MEPE: variants seen among roughly 807,000 people sequenced by gnomAD.
MEPE encodes the protein matrix, extracellular phosphoglycoprotein with ASARM motif (bone).
Under a neutral mutation model 7.3 loss-of-function variants are expected in MEPE, and 7 were observed. The ratio of observed to expected loss-of-function variants is 0.95; its 90% CI spans 0.54 to 1.79. The LOEUF (loss-of-function observed/expected upper bound fraction) is 1.79, where lower values mean the gene tolerates loss of function less well. Among genes scored for constraint, MEPE ranks in the 40% most tolerant of loss-of-function variants. The pLI, the probability that MEPE is intolerant of heterozygous loss-of-function variation, is 0.00. For synonymous variants in MEPE, 214 were observed against 213.1 expected (o/e 1.00, Z -0.04); for missense variants, 623 against 628.2 (o/e 0.99, Z 0.09).
At position 87,843,534 on chromosome 4, in the gene MEPE, T is replaced by A. The variant is rs371043129; in HGVS notation, c.109-1443T>A. ...TCCTATGTTGATTTCATATTACTCATCAATTCAAAGGCCTATGTAGGGATG... is the reference window on the plus strand; with the variant it reads ...TCCTATGTTGATTTCATATTACTCAACAATTCAAAGGCCTATGTAGGGATG... On this transcript the variant is annotated intron_variant, in intron 3 of 3. Transcript: ENST00000361056. 3.9e-4 allele frequency among the ~76,000 whole-genome samples: 59 copies of A among 152,228 alleles called. 1 individual carries two copies. Among genetic ancestry groups the A allele is most frequent in the African/African-American group, 1.3e-3 (53 of 41,534 alleles).
chr4:87,845,248 A>C lies in MEPE; in HGVS notation c.380A>C (p.Glu127Ala). 1 of 1,614,062 alleles carries C rather than the reference A, an allele frequency of 6.2e-7. No homozygotes were observed. Among genetic ancestry groups the C allele is most frequent in the South Asian group, 1.1e-5 (1 of 91,078 alleles). The change falls in exon 4 of 4, where the codon GAG becomes GCG. Residue 127 changes from glutamate (E) to alanine (A), a missense_variant. Physicochemically the swap from Glu to Ala is moderately radical, Grantham distance 107. Transcript: ENST00000361056. ...AAGTCAACTGGGAATAAAGGGTTTG[A>C]GGATGGAGATGATGCTATCAGCAAA... ...YPKSTGNKGFEDGDDAISKLH... is the reference protein window; with the variant it reads ...YPKSTGNKGFADGDDAISKLH...
chr4:87,840,899 A>G (rs1722987849), intron 3 of MEPE, among the ~76,000 whole-genome samples: 1 of 152,220 alleles, frequency 6.6e-6, no homozygotes. Context: ...AGCAGAGCAC[A>G]GAAAAGCAGC....
chr4:87,835,736 C>A (rs528404640), intron 2 of MEPE, among the ~76,000 whole-genome samples: 2 of 152,264 alleles, frequency 1.3e-5, no homozygotes, highest in Admixed American at 1.3e-4. Flanking sequence ...AGACCCCATG[C>A]ACAGACCTCA....
In MEPE at chr4:87,837,404, G is replaced by A. The variant is rs114622458; in HGVS notation, c.55-1228G>A. 4.7e-3 allele frequency among the ~76,000 whole-genome samples: 718 copies of A among 152,290 alleles called. 2 individuals carry two copies. The highest frequency in any genetic ancestry group is 7.8e-3 in the Non-Finnish European group (528 of 68,018). On this transcript the variant is annotated intron_variant, in intron 2 of 3. Transcript: ENST00000361056. ...TTCACCCAAACCCAGTCTGAACACA[G>A]AGGGCAAATGAGCTTGGGAAATGAA...
Position 87,845,358 on chromosome 4 carries a change from C to G in MEPE, c.490C>G (p.Leu164Val), listed in dbSNP as rs752363823. The G allele has an allele frequency of 1.9e-6, 3 of 1,613,766 alleles. No homozygotes were observed. In the East Asian group the frequency reaches 6.7e-5, roughly 36 times the overall value. ...GGGGCCAGTGACTGCGATTAAACTC[C>G]TGGGGGAAGAAAACAAAGAGAACAC... ...IMGPVTAIKL[L>V]GEENKENTPR... is the part of the protein sequence containing the mutation. Residue 164 changes from leucine to valine, a missense_variant, in exon 4 of 4, where the codon CTG becomes GTG. Coordinates refer to ENST00000361056, the MANE Select transcript of MEPE (RefSeq NM_020203.6).
rs770161955 is a variant in MEPE at position 87,845,279 on chromosome 4, T to C, written c.411T>C (p.His137=). 10 of 1,613,868 alleles carry C rather than the reference T, an allele frequency of 6.2e-6. No homozygotes were observed. In the East Asian group the frequency reaches 6.7e-5, roughly 11 times the overall value. The change falls in exon 4 of 4, where the codon CAT becomes CAC. Residue 137 remains histidine (H), a synonymous_variant. Coordinates refer to ENST00000361056, the MANE Select transcript of MEPE (RefSeq NM_020203.6). ...EDGDDAISKL[H]DQEEYGAALI... Reference sequence around the variant, plus strand: ...GAGATGATGCTATCAGCAAACTACATGACCAAGAAGAATATGGCGCAGCTC... The same window carrying C: ...GAGATGATGCTATCAGCAAACTACACGACCAAGAAGAATATGGCGCAGCTC...
At chr4:87,829,612 A>G (rs1722549363), upstream of MEPE, among the ~76,000 whole-genome samples, 1 of 152,198 alleles carries the variant, frequency 6.6e-6, no homozygotes, top group Admixed American at 6.5e-5. Flanking sequence ...ATATAAAGTT[A>G]ATGTTATGAA....
chr4:87,832,714 T>C (rs559716000), upstream of MEPE, among the ~76,000 whole-genome samples: 1 of 152,354 alleles, frequency 6.6e-6, no homozygotes, highest in East Asian at 1.9e-4. Flanking sequence ...TTAGCAGTTC[T>C]GAAATCAATT....
rs749358196 is a variant in MEPE, at chr4:87,846,402, G to A, written c.1534G>A (p.Glu512Lys). Residue 512 changes from glutamate (E) to lysine (K), a missense_variant, in exon 4 of 4, where the codon GAG becomes AAG. Coordinates refer to ENST00000361056, the MANE Select transcript of MEPE (RefSeq NM_020203.6). ...TTCCCGTAGAAGGGATGACAGTAGT[G>A]AGTCATCTGACAGTGGCAGTTCAAG... ...FSSRRRDDSS[E>K]SSDSGSSSES... 21 of 1,613,946 alleles carry A rather than the reference G, an allele frequency of 1.3e-5. No homozygotes were observed. The East Asian group carries it at 3.6e-4, about 27-fold the overall frequency.
chr4:87,830,650 A>C (rs1722573969), upstream of MEPE, among the ~76,000 whole-genome samples: 1 of 152,118 alleles, frequency 6.6e-6, no homozygotes, highest in African/African-American at 2.4e-5. Flanking sequence ...TACCTGGGTG[A>C]TGTAGTAATA....
chr4:87,834,577 T>C, intron 1 of MEPE, 126 bp from the exon 2 acceptor site: 4 of 680,192 alleles, frequency 5.9e-6, no homozygotes, highest in South Asian at 2.0e-5. Context: ...TACACACACA[T>C]ACACAAAAGG....
chr4:87,821,987 A>T (rs989720086), intron 1 of MEPE, among the ~76,000 whole-genome samples: 11 of 152,128 alleles, frequency 7.2e-5, no homozygotes, highest in Non-Finnish European at 1.5e-4. Context: ...CACAGCCCTT[A>T]CCTGATGCCT....
intron 2 of MEPE, among the ~76,000 whole-genome samples, chr4:87,837,355 C>A (rs75955762): frequency 0.032 from 4,847 of 152,178 alleles, 113 homozygotes; most frequent in South Asian, 0.061. Flanking sequence ...TCCTTCCCCC[C>A]CTCCAGACTC....
intron 1 of MEPE, among the ~76,000 whole-genome samples, chr4:87,822,197 TG>T (rs1722354721): frequency 6.6e-6 from 1 of 152,198 alleles, no homozygotes; most frequent in Non-Finnish European, 1.5e-5. Context: ...CAACACTCAG[TG>T]CTTAGTCTCA....
In MEPE at chr4:87,845,550, A is replaced by G. The variant is rs762438706; in HGVS notation, c.682A>G (p.Lys228Glu). The stretch of plus-strand genomic sequence containing the variant: ...CATTGACTACCTAAAACATCTCTCA[A>G]AAGTCAAAAAAATCCCCAGTGATTT... ...HNIDYLKHLS[K>E]VKKIPSDFEG... The change falls in exon 4 of 4, where the codon AAA (lysine) becomes GAA (glutamate). Residue 228 changes from lysine (K) to glutamate (E), a missense_variant. Transcript: ENST00000361056. 2 of 1,611,994 alleles carry G rather than the reference A, an allele frequency of 1.2e-6. No homozygotes were observed. Among genetic ancestry groups the G allele is most frequent in the Admixed American group, 3.4e-5 (2 of 59,480 alleles).
At chr4:87,829,941 T>C (rs2869709), upstream of MEPE, among the ~76,000 whole-genome samples, 34,930 of 149,482 alleles carry the variant, frequency 0.23, 4,374 homozygotes, top group Non-Finnish European at 0.27. Context: ...TTGGAGAAAC[T>C]GAGGCACAGA....
Position 87,845,403 on chromosome 4 carries a change from A to G in MEPE, c.535A>G (p.Ile179Val), listed in dbSNP as rs1723184686. 6.2e-7 allele frequency: 1 copy of G among 1,614,032 alleles called. No homozygotes were observed. Among genetic ancestry groups the G allele is most frequent in the Non-Finnish European group, 8.5e-7 (1 of 1,179,964 alleles). ...GAACACACCTAGGAATGTTCTAAAC[A>G]TAATCCCAGCAAGTATGAATTATGC... ...KENTPRNVLN[I>V]IPASMNYAKA... is the part of the protein sequence containing the mutation. Residue 179 changes from isoleucine to valine, a missense_variant, in exon 4 of 4, where the codon ATA (isoleucine) becomes GTA (valine). Ile to Val is a conservative substitution (Grantham distance 29). Transcript: ENST00000361056.
At chr4:87,831,266 T>C (rs528848521), upstream of MEPE, among the ~76,000 whole-genome samples, 2 of 152,284 alleles carry the variant, frequency 1.3e-5, no homozygotes, top group East Asian at 3.9e-4. Flanking sequence ...CATTAAGAAA[T>C]TGAGTGTCTT....
chr4:87,844,582 A>G (rs1723135329), intron 3 of MEPE, among the ~76,000 whole-genome samples: 1 of 151,768 alleles, frequency 6.6e-6, no homozygotes, highest in African/African-American at 2.4e-5. Context: ...GGGAGAAAAG[A>G]GAAAGAGAGA....
Sources: allele counts gnomAD v4.1 joint callset (sites outside exome capture counted in the v4.1 genomes callset), GRCh38; gene constraint gnomAD v4.1.1; transcripts MANE v1.5; gene names NCBI Gene and HGNC (gene_info 2026-07-23, HGNC 2026-07-21).